RASGRP3: variants seen among roughly 807,000 people sequenced by gnomAD.
RASGRP3 encodes RAS guanyl releasing protein 3, also known as ras guanyl-releasing protein 3.
RASGRP3 carries 54 observed loss-of-function variants against 82.7 expected under a neutral mutation model. The ratio of observed to expected loss-of-function variants is 0.65; its 90% CI spans 0.52 to 0.82. The LOEUF is 0.82. Ranked by LOEUF, RASGRP3 falls within the 40% of genes least tolerant of loss-of-function variation. RASGRP3 has a pLI of 0.00. For missense variants in RASGRP3, 861 were observed against 828.9 expected (o/e 1.04, Z -0.48); for synonymous variants, 309 against 300.5 (o/e 1.03, Z -0.29).
At chr2:33,533,552 G>GT (rs1673306091) in intron 10 of RASGRP3, 1 of 152,156 alleles carries the variant, frequency 6.6e-6, no homozygotes, top group African/African-American at 2.4e-5. Context: ...ATCCAACTCA[G>GT]TAGGGACTTT....
chr2:33,509,915 TC>T (rs1391825760), intron 1 of RASGRP3, among the ~76,000 whole-genome samples: 1 of 152,210 alleles, frequency 6.6e-6, no homozygotes, highest in Non-Finnish European at 1.5e-5. Flanking sequence ...ATCTTAATTC[TC>T]CTATGGAGTA....
intron 7 of RASGRP3, 38 bp downstream of exon 7, chr2:33,522,140 C>T (rs552214861): frequency 3.2e-6 from 5 of 1,571,246 alleles, no homozygotes; most frequent in South Asian, 1.2e-5. Flanking sequence ...AGGATAACAA[C>T]CACCATGCCA....
chr2:33,527,383 C>A lies in RASGRP3; in HGVS notation c.1054C>A (p.Pro352Thr). The change falls in exon 10 of 18, where the codon CCC becomes ACC. Residue 352 changes from proline (P) to threonine (T), a missense_variant. Transcript: ENST00000403687. ...GCAGAATGCCTCTCACCACTTAGAACCCAACATGGATTTGATCAACCTGCT... is the reference window on the plus strand; with the variant it reads ...GCAGAATGCCTCTCACCACTTAGAAACCAACATGGATTTGATCAACCTGCT... The part of the protein sequence containing the change: ...SLQNASHHLE[P>T]NMDLINLLTL... 1 of 1,613,734 alleles carries A rather than the reference C, an allele frequency of 6.2e-7. No homozygotes were observed. The highest frequency in any genetic ancestry group is 2.2e-5 in the East Asian group (1 of 44,880).
chr2:33,442,708 T>C (rs2150873972), intron 1 of RASGRP3, among the ~76,000 whole-genome samples: 1 of 152,286 alleles, frequency 6.6e-6, no homozygotes, highest in African/African-American at 2.4e-5. Flanking sequence ...CATAATTGTT[T>C]TAGTAATAAT....
At chr2:33,554,675 A>G (rs752924260) in intron 14 of RASGRP3, among the ~76,000 whole-genome samples, 1 of 152,052 alleles carries the variant, frequency 6.6e-6, no homozygotes, top group Non-Finnish European at 1.5e-5. Flanking sequence ...GGGTTTCACC[A>G]TATTAGCCAG....
At chr2:33,540,559 TGTGTGTGTGTGTGTGTGTG>T (rs199960605) in intron 12 of RASGRP3, among the ~76,000 whole-genome samples, 1 of 5,628 alleles carries the variant, frequency 1.8e-4, no homozygotes, top group Non-Finnish European at 3.7e-4. Context: ...GTGTGTTTTG[TGTGTGTGTGTGTGTGTGTG>T]TGTGTGTGTG....
chr2:33,500,131 A>G (rs1447969948), intron 1 of RASGRP3, among the ~76,000 whole-genome samples: 1 of 152,190 alleles, frequency 6.6e-6, no homozygotes, highest in South Asian at 2.1e-4. Context: ...TGTGCAAAGC[A>G]TGGGGTCTGT....
intron 3 of RASGRP3, 116 bp downstream of exon 3, chr2:33,515,322 G>A: frequency 9.1e-7 from 1 of 1,100,272 alleles, no homozygotes; most frequent in Non-Finnish European, 1.4e-6. Context: ...GGTATTTAAG[G>A]CCTTTCGGAT....
chr2:33,550,691 G>A (rs1675270327), intron 14 of RASGRP3, among the ~76,000 whole-genome samples: 1 of 152,128 alleles, frequency 6.6e-6, no homozygotes, highest in African/African-American at 2.4e-5. Flanking sequence ...AGCTTTATTT[G>A]GCAGCCATGT....
chr2:33,555,553 G>T lies in RASGRP3; in HGVS notation c.1565G>T (p.Gly522Val), dbSNP rs764738808. Reference protein sequence around the residue: ...AGFLWGIIKQGYKCKDCGANC... With the variant: ...AGFLWGIIKQVYKCKDCGANC... ...CAGCTCTGGGGCATAATCAAGCAAG[G>T]ATACAAATGCAAAGGTAAATCAATG... The change falls in exon 15 of 18, where the codon GGA becomes GTA. Residue 522 changes from glycine (G) to valine (V), a missense_variant. By Grantham distance (109) the Gly-to-Val change is moderately radical. Coordinates refer to ENST00000403687, the MANE Select transcript of RASGRP3 (RefSeq NM_001139488.2). 6.3e-7 allele frequency: 1 copy of T among 1,597,460 alleles called. No individual in the cohort carries two copies. Among genetic ancestry groups the T allele is most frequent in the Non-Finnish European group, 8.6e-7 (1 of 1,167,834 alleles).
chr2:33,521,832 A>G, intron 6 of RASGRP3, 123 bp from the exon 7 acceptor site: 1 of 1,138,380 alleles, frequency 8.8e-7, no homozygotes, highest in Non-Finnish European at 1.2e-6. Flanking sequence ...TATGAAAGAC[A>G]GGGCATGTAT....
chr2:33,440,787 G>C (rs1049150127), intron 1 of RASGRP3, among the ~76,000 whole-genome samples: 3 of 151,724 alleles, frequency 2.0e-5, no homozygotes, highest in Admixed American at 6.6e-5. Flanking sequence ...TACTTTTTTT[G>C]TATGACATGT....
chr2:33,446,065 C>G (rs1274962453), intron 1 of RASGRP3, among the ~76,000 whole-genome samples: 2 of 152,122 alleles, frequency 1.3e-5, no homozygotes, highest in African/African-American at 2.4e-5. Context: ...TTGTGCTTGC[C>G]TTTTCCTGAA....
intron 2 of RASGRP3, among the ~76,000 whole-genome samples, chr2:33,463,647 A>G (rs1038086185): frequency 8.1e-5 from 11 of 135,860 alleles, no homozygotes; most frequent in Non-Finnish European, 1.4e-4. Context: ...CGCCCGGGCT[A>G]GAGTACAATG....
chr2:33,518,496 A>T, intron 4 of RASGRP3, among the ~76,000 whole-genome samples: 1 of 152,214 alleles, frequency 6.6e-6, no homozygotes, highest in African/African-American at 2.4e-5. Context: ...GACTTTATAG[A>T]CACTATACAC....
intron 11 of RASGRP3, among the ~76,000 whole-genome samples, chr2:33,536,647 C>T (rs1673640769): frequency 6.6e-6 from 1 of 152,016 alleles, no homozygotes; most frequent in African/African-American, 2.4e-5. Flanking sequence ...TTTTGAAAGT[C>T]CCTTCTAAGT....
chr2:33,439,775 G>A (rs775856154), intron 1 of RASGRP3, among the ~76,000 whole-genome samples: 3 of 152,078 alleles, frequency 2.0e-5, no homozygotes, highest in Non-Finnish European at 4.4e-5. Flanking sequence ...TCAGAAGGTG[G>A]TGGGACTTTA....
intron 10 of RASGRP3, chr2:33,534,064 T>C (rs1359572160): frequency 6.4e-6 from 3 of 467,670 alleles, no homozygotes; most frequent in African/African-American, 5.8e-5. Flanking sequence ...GACTCAGCAC[T>C]GAGCACCTGG....
chr2:33,537,320 A>ACACACC lies in RASGRP3; in HGVS notation c.1162-1773_1162-1772insACACCC, dbSNP rs771052774. Among the ~76,000 whole-genome samples the ACACACC allele has an allele frequency of 2.4e-3, 79 of 33,312 alleles. 10 individuals carry two copies. Among genetic ancestry groups the ACACACC allele is most frequent in the African/African-American group, 3.5e-3 (24 of 6,776 alleles). 21.9% of individuals were successfully genotyped at this position (33,312 alleles called of 152,430 possible). On this transcript the variant is annotated intron_variant, in intron 11 of 17. Coordinates refer to ENST00000403687, the MANE Select transcript of RASGRP3 (RefSeq NM_001139488.2). Reference sequence around the variant, plus strand: ...GTCTCTAAAATACACACACACACACACCGCCCCCCCCACACACACACACAA... The same window carrying ACACACC: ...GTCTCTAAAATACACACACACACACACACACCCCGCCCCCCCCACACACACACACAA...
Sources: gnomAD v4.1 joint callset for allele counts (sites outside exome capture counted in the v4.1 genomes callset) on GRCh38, gnomAD v4.1.1 for gene constraint, MANE v1.5 for transcripts, NCBI Gene and HGNC (gene_info 2026-07-23, HGNC 2026-07-21) for gene names.